The following MAST4 variants were observed in gnomAD, a reference collection of about 807,000 sequenced individuals.
The protein encoded by MAST4 is microtubule-associated serine/threonine-protein kinase 4.
MAST4 carries 89 observed loss-of-function variants against 162.7 expected under a neutral mutation model. The observed-to-expected ratio is 0.55, with a 90% CI of 0.46 to 0.65. MAST4 has a LOEUF of 0.65. Among genes scored for constraint, MAST4 ranks in the 30% least tolerant of loss-of-function variants. MAST4 has a pLI of 0.00. For synonymous variants in MAST4, 1,479 were observed against 1,361.1 expected (o/e 1.09, Z -1.91); for missense variants, 3,153 against 3,374.0 (o/e 0.93, Z 1.62).
At chr5:67,113,229 T>G (rs1185730930) in intron 11 of MAST4, among the ~76,000 whole-genome samples, 3 of 144,746 alleles carry the variant, frequency 2.1e-5, no homozygotes, top group Admixed American at 7.4e-5. Flanking sequence ...CAGGAGAATG[T>G]CGTGAACCTG....
At chr5:67,004,766 T>G in intron 4 of MAST4, 1 of 489,652 alleles carries the variant, frequency 2.0e-6, no homozygotes, top group Non-Finnish European at 3.7e-6. Flanking sequence ...TCCCGGACCT[T>G]TGAGAGGAGG....
intron 4 of MAST4, among the ~76,000 whole-genome samples, chr5:66,916,288 A>T (rs1008143511): frequency 3.9e-5 from 6 of 152,178 alleles, no homozygotes; most frequent in African/African-American, 1.4e-4. Context: ...GAGTGTAGTC[A>T]GTTCCACCCA....
At chr5:66,746,013 G>A (rs1180523436) in intron 1 of MAST4, among the ~76,000 whole-genome samples, 1 of 152,106 alleles carries the variant, frequency 6.6e-6, no homozygotes, top group Admixed American at 6.5e-5. Flanking sequence ...TTTGGGTTCT[G>A]GTCTGCGTTC....
chr5:67,122,184 C>A (rs1467514190), intron 14 of MAST4, among the ~76,000 whole-genome samples: 2 of 152,108 alleles, frequency 1.3e-5, no homozygotes, highest in Non-Finnish European at 2.9e-5. Context: ...AAATATTAAT[C>A]CCAATTCTAT....
chr5:67,097,227 A>G (rs1214262923), intron 7 of MAST4, among the ~76,000 whole-genome samples: 1 of 152,196 alleles, frequency 6.6e-6, no homozygotes, highest in Non-Finnish European at 1.5e-5. Flanking sequence ...ACATAAAATC[A>G]GACCCTGTTT....
At chr5:66,850,405 C>G (rs1265899411) in intron 3 of MAST4, among the ~76,000 whole-genome samples, 2 of 152,208 alleles carry the variant, frequency 1.3e-5, no homozygotes, top group African/African-American at 4.8e-5. Context: ...TCTGTCTACA[C>G]GTAGCCGATG....
intron 1 of MAST4, among the ~76,000 whole-genome samples, chr5:66,626,839 A>G (rs1388272595): frequency 2.0e-5 from 3 of 152,210 alleles, no homozygotes; most frequent in African/African-American, 7.2e-5. Context: ...CCTGGAAGTC[A>G]GGAAGGGACA....
intron 1 of MAST4, among the ~76,000 whole-genome samples, chr5:66,694,476 C>CT (rs1749262902): frequency 6.6e-6 from 1 of 151,842 alleles, no homozygotes; most frequent in African/African-American, 2.4e-5. Context: ...GCTTTTTTTT[C>CT]TTTTTTTCTT....
intron 5 of MAST4, among the ~76,000 whole-genome samples, chr5:67,061,118 C>T (rs992819679): frequency 2.0e-5 from 3 of 151,874 alleles, no homozygotes; most frequent in African/African-American, 7.3e-5. Flanking sequence ...CCCCTATTAC[C>T]AGTTTATTGT....
intron 2 of MAST4, among the ~76,000 whole-genome samples, chr5:66,777,714 C>T (rs976208424): frequency 3.3e-5 from 5 of 152,044 alleles, no homozygotes; most frequent in African/African-American, 1.2e-4. Flanking sequence ...GAAGAGATGA[C>T]TCTTAATCAT....
chr5:66,733,489 C>T (rs182211872), intron 1 of MAST4, among the ~76,000 whole-genome samples: 53 of 152,216 alleles, frequency 3.5e-4, no homozygotes, highest in Admixed American at 2.1e-3. Flanking sequence ...GGTCATTAAG[C>T]GAGTGAGTCA....
Position 67,164,483 on chromosome 5 carries a change from A to G in MAST4, c.5304A>G (p.Gly1768=). 1.2e-6 allele frequency: 2 copies of G among 1,613,986 alleles called. No homozygotes were observed. The highest frequency in any genetic ancestry group is 1.7e-6 in the Non-Finnish European group (2 of 1,179,878). The stretch of plus-strand genomic sequence containing the variant: ...CCTTAACAGGCCGGGTGGACAGTGG[A>G]ACGGAGAAGCCTGGCTTGGTTGCTC... ...LKALTGRVDS[G]TEKPGLVAPE... Residue 1768 remains glycine, a synonymous_variant, in exon 29 of 29, where the codon GGA becomes GGG. Coordinates refer to ENST00000403625, the MANE Select transcript of MAST4 (RefSeq NM_001164664.2). This position sits in a 1 kb window ranked among gnomAD's most constrained non-coding sequence, Gnocchi z 5.3.
intron 1 of MAST4, among the ~76,000 whole-genome samples, chr5:66,698,068 G>A (rs181114118): frequency 5.9e-5 from 9 of 151,472 alleles, no homozygotes; most frequent in Middle Eastern, 3.4e-3. Context: ...TACCTGTTTC[G>A]CTATCCACCA....
At chr5:67,134,330 G>C (rs567228714) in intron 17 of MAST4, among the ~76,000 whole-genome samples, 193 bp from the exon 18 acceptor site, 1 of 152,064 alleles carries the variant, frequency 6.6e-6, no homozygotes, top group Non-Finnish European at 1.5e-5. Flanking sequence ...TAAACTTCCC[G>C]TCTTTGGTAA....
intron 15 of MAST4, among the ~76,000 whole-genome samples, chr5:67,131,075 C>A (rs1768912512): frequency 6.6e-6 from 1 of 152,022 alleles, no homozygotes; most frequent in South Asian, 2.1e-4. Flanking sequence ...CTATAAAACT[C>A]AAAGAAACAT....
At chr5:66,620,421 A>G (rs1009906553) in intron 1 of MAST4, among the ~76,000 whole-genome samples, 3 of 152,190 alleles carry the variant, frequency 2.0e-5, no homozygotes, top group Non-Finnish European at 2.9e-5. Context: ...TGTAATAATA[A>G]AAAGTATCAT....
intron 4 of MAST4, among the ~76,000 whole-genome samples, chr5:66,949,357 G>A (rs1281316974): frequency 6.6e-6 from 1 of 152,174 alleles, no homozygotes; most frequent in African/African-American, 2.4e-5. Context: ...TTGCATCATG[G>A]TGGTTTACCT....
At chr5:66,812,631 G>C (rs1334354641) in intron 3 of MAST4, among the ~76,000 whole-genome samples, 1 of 152,226 alleles carries the variant, frequency 6.6e-6, no homozygotes, top group Non-Finnish European at 1.5e-5. Context: ...TCAGACGGTT[G>C]AATTAGGGAG....
At chr5:66,949,442 A>G (rs192315040) in intron 4 of MAST4, among the ~76,000 whole-genome samples, 19 of 152,160 alleles carry the variant, frequency 1.2e-4, no homozygotes, top group Admixed American at 4.6e-4. Flanking sequence ...TTCCGCCTTC[A>G]CTCGGCACTT....
Sources: allele counts gnomAD v4.1 joint callset (sites outside exome capture counted in the v4.1 genomes callset), GRCh38; gene constraint gnomAD v4.1.1; non-coding constraint Gnocchi (gnomAD v3.1); transcripts MANE v1.5; gene names NCBI Gene and HGNC (gene_info 2026-07-23, HGNC 2026-07-21).